MYLIP: variants seen among roughly 807,000 people sequenced by gnomAD.
The protein encoded by MYLIP is E3 ubiquitin-protein ligase MYLIP.
A neutral mutation model predicts 45.8 loss-of-function variants in MYLIP; 26 were observed. That is an observed-to-expected ratio of 0.57 (90% CI 0.42 to 0.79). The LOEUF is 0.79. Ranked by LOEUF, MYLIP falls within the 30% of genes least tolerant of loss-of-function variation. The probability of loss-of-function intolerance (pLI) is 0.00; values close to 1 mark genes in which losing one functional copy is unlikely to be tolerated. For missense variants in MYLIP, 494 were observed against 555.6 expected (o/e 0.89, Z 1.11); for synonymous variants, 213 against 218.1 (o/e 0.98, Z 0.21).
At chr6:16,162,037 T>C in the MYLIP span, among the ~76,000 whole-genome samples, 2 of 152,238 alleles carry the variant, frequency 1.3e-5, no homozygotes, top group African/African-American at 2.4e-5. Context: ...ACAGGCATAA[T>C]ATTTGTGAGA....
At chr6:16,141,425 T>A in intron 2 of MYLIP, 200 bp from the exon 3 acceptor site, 1 of 447,596 alleles carries the variant, frequency 2.2e-6, no homozygotes. Context: ...GGGTCACAAC[T>A]TTTATTCCAG....
At chr6:16,157,886 AG>A in the MYLIP span, among the ~76,000 whole-genome samples, 4 of 152,242 alleles carry the variant, frequency 2.6e-5, no homozygotes, top group African/African-American at 9.6e-5. Context: ...CCAAACAAAA[AG>A]CTGTTGGGCA....
chr6:16,146,653 C>A lies in MYLIP; in HGVS notation c.1249-9C>A. 6.2e-7 allele frequency: 1 copy of A among 1,603,688 alleles called. No individual in the cohort carries two copies. Among genetic ancestry groups the A allele is most frequent in the Non-Finnish European group, 8.5e-7 (1 of 1,173,414 alleles). ...ATGCTAACAGAGACTGTTGGCTTTT[C>A]TTTCCCAGTCATGTCCCGTCTGCAG... On this transcript the variant is annotated splice_polypyrimidine_tract_variant and intron_variant, in intron 6 of 6. Coordinates refer to ENST00000356840, the MANE Select transcript of MYLIP (RefSeq NM_013262.4).
At chr6:16,130,480 CTTAGCCT>C in intron 1 of MYLIP, 70 bp from the exon 2 acceptor site, 1 of 1,433,482 alleles carries the variant, frequency 7.0e-7, no homozygotes, top group South Asian at 1.3e-5. Flanking sequence ...CACCAGCAAT[CTTAGCCT>C]CAGGGAGCCG....
intron 2 of MYLIP, among the ~76,000 whole-genome samples, chr6:16,136,737 C>A (rs1759565208): frequency 6.6e-6 from 1 of 152,184 alleles, no homozygotes; most frequent in South Asian, 2.1e-4. Context: ...CACATCCCTG[C>A]CAGCTTTCTG....
At chr6:16,150,590 G>C (rs1581611848), downstream of MYLIP, among the ~76,000 whole-genome samples, 1 of 152,140 alleles carries the variant, frequency 6.6e-6, no homozygotes, top group Admixed American at 6.5e-5. Flanking sequence ...GCTACTCGGA[G>C]GCCGGGAGGC....
intron 2 of MYLIP, 77 bp downstream of exon 2, chr6:16,130,824 A>G (rs545486811): frequency 2.2e-5 from 30 of 1,391,402 alleles, no homozygotes; most frequent in Non-Finnish European, 2.8e-5. Flanking sequence ...CTTCCCAGAG[A>G]TACTCACAGG....
Position 16,129,437 on chromosome 6 carries a change from C to T in MYLIP, c.87+28C>T, listed in dbSNP as rs1242734494. The T allele has an allele frequency of 1.9e-6, 3 of 1,556,940 alleles. No individual in the cohort carries two copies. The highest frequency in any genetic ancestry group is 1.2e-5 in the South Asian group (1 of 84,898). On this transcript the variant is annotated intron_variant, in intron 1 of 6. Transcript: ENST00000356840. This position sits in a 1 kb window ranked among gnomAD's most constrained non-coding sequence, Gnocchi z 5.1. ...GAGGGCGAGGGGCAAGAAGGGGCCCCGGCGGGTCCCGCGAGGCCGAGGGGC... is the reference window on the plus strand; with the variant it reads ...GAGGGCGAGGGGCAAGAAGGGGCCCTGGCGGGTCCCGCGAGGCCGAGGGGC...
rs199830608 is a variant in MYLIP at position 16,140,851 on chromosome 6, T to TC, written c.279-774_279-773insC. On this transcript the variant is annotated intron_variant, in intron 2 of 6. Coordinates refer to ENST00000356840, the MANE Select transcript of MYLIP (RefSeq NM_013262.4). ...ATTTTGAGCAGAGAAATGACAAGTT[T>TC]ATACTAGAAACAAGCAGCATGGAAG... Among the ~76,000 whole-genome samples, 1,146 of 152,308 alleles carry TC rather than the reference T, an allele frequency of 7.5e-3. 17 individuals are homozygous for TC. Among genetic ancestry groups the TC allele is most frequent in the African/African-American group, 0.026 (1,072 of 41,548 alleles).
intron 5 of MYLIP, among the ~76,000 whole-genome samples, 187 bp downstream of exon 5, chr6:16,144,050 A>G (rs1188680705): frequency 6.6e-6 from 1 of 151,984 alleles, no homozygotes; most frequent in East Asian, 1.9e-4. Context: ...TTACCCACAG[A>G]AGGTGCATGT....
rs185701087 is a variant in MYLIP, at chr6:16,147,746, G to C, written c.*995G>C. On this transcript the variant is annotated 3_prime_UTR_variant, in exon 7 of 7. Coordinates refer to ENST00000356840, the MANE Select transcript of MYLIP (RefSeq NM_013262.4). ...GATATGGTGTCCTTTTCTGTTTTTG[G>C]GGGGGGAGTTTTGTTGTGTTTTTTT... The C allele has an allele frequency of 0.012, 1,814 of 152,614 alleles. 17 individuals are homozygous for C. The highest frequency in any genetic ancestry group is 0.018 in the Non-Finnish European group (1,210 of 68,016). The allele number at this position is 152,614 out of a possible 1,614,324, so 9.5% of individuals were successfully genotyped here.
intron 2 of MYLIP, among the ~76,000 whole-genome samples, chr6:16,139,303 G>A (rs1215328809): frequency 3.3e-5 from 5 of 151,408 alleles, no homozygotes; most frequent in South Asian, 2.1e-4. Context: ...CAGGAGAATC[G>A]CTTGAACCCA....
chr6:16,161,511 AG>A, the MYLIP span: 1 of 156,692 alleles, frequency 6.4e-6, no homozygotes, highest in African/African-American at 2.4e-5. Flanking sequence ...ATCCATCAGA[AG>A]CCATGCTATA....
In MYLIP at chr6:16,131,556, C is replaced by T. The variant is rs73377721; in HGVS notation, c.278+809C>T. On this transcript the variant is annotated intron_variant, in intron 2 of 6. Transcript: ENST00000356840. ...TGAAAGGCAGGAGACTTCAATCTTA[C>T]AGTGGCATATCAAAAAATTAAAAAG... is the stretch of plus-strand genomic sequence containing the variant. Among the ~76,000 whole-genome samples the T allele has an allele frequency of 6.3e-3, 953 of 152,284 alleles. 13 individuals carry two copies. The highest frequency in any genetic ancestry group is 0.022 in the African/African-American group (912 of 41,560).
At chr6:16,156,341 T>C in the MYLIP span, among the ~76,000 whole-genome samples, 1 of 152,244 alleles carries the variant, frequency 6.6e-6, no homozygotes, top group Non-Finnish European at 1.5e-5. Flanking sequence ...CTCACCCTCC[T>C]GTCCCTATCA....
intron 1 of MYLIP, among the ~76,000 whole-genome samples, chr6:16,130,270 C>T (rs1400367000): frequency 6.6e-6 from 1 of 152,186 alleles, no homozygotes. Flanking sequence ...GGAAAATACC[C>T]TGTAGTTTCC....
At chr6:16,130,351 C>G (rs1759433202) in intron 1 of MYLIP, among the ~76,000 whole-genome samples, 1 of 152,146 alleles carries the variant, frequency 6.6e-6, no homozygotes, top group African/African-American at 2.4e-5. Flanking sequence ...ATGCCCTAGA[C>G]GTTAAAAGGA....
the MYLIP span, among the ~76,000 whole-genome samples, chr6:16,157,298 C>T: frequency 6.6e-6 from 1 of 152,232 alleles, no homozygotes; most frequent in Non-Finnish European, 1.5e-5. Context: ...ATTTCTTCCT[C>T]CATTGTAATA....
the MYLIP span, among the ~76,000 whole-genome samples, chr6:16,162,992 T>TG: frequency 3.3e-3 from 499 of 152,084 alleles, 4 homozygotes; most frequent in African/African-American, 0.012. Context: ...ATGTAATGCA[T>TG]GGAGCTGCTA....
Sources: allele counts gnomAD v4.1 joint callset (sites outside exome capture counted in the v4.1 genomes callset), GRCh38; gene constraint gnomAD v4.1.1; non-coding constraint Gnocchi (gnomAD v3.1); transcripts MANE v1.5; gene names NCBI Gene and HGNC (gene_info 2026-07-23, HGNC 2026-07-21).